Variants in NELL2 observed in about 807,000 individuals in gnomAD.
NELL2 encodes neural EGFL like 2.
A neutral mutation model predicts 109.6 loss-of-function variants in NELL2; 41 were observed. The ratio of observed to expected loss-of-function variants is 0.37; its 90% CI spans 0.29 to 0.49. The LOEUF is 0.49. NELL2 is among the 20% of genes least tolerant of loss of function. The pLI is 0.98. For synonymous variants in NELL2, 355 were observed against 344.7 expected, an observed-to-expected ratio of 1.03 and a Z score of -0.33; for missense variants, 900 against 1,008.3, an observed-to-expected ratio of 0.89 and a Z score of 1.45.
intron 15 of NELL2, among the ~76,000 whole-genome samples, chr12:44,539,837 A>G (rs1214461388): frequency 1.3e-5 from 2 of 152,232 alleles, no homozygotes; most frequent in Non-Finnish European, 2.9e-5. Flanking sequence ...TTAGAGATTC[A>G]TAAACACATG....
intron 15 of NELL2, among the ~76,000 whole-genome samples, chr12:44,550,110 T>G (rs1289784169): frequency 1.3e-5 from 2 of 152,094 alleles, no homozygotes; most frequent in Non-Finnish European, 2.9e-5. Context: ...CAACTAATTT[T>G]CAACAAGAGT....
At chr12:44,688,845 G>C (rs1948814368) in intron 12 of NELL2, among the ~76,000 whole-genome samples, 1 of 152,182 alleles carries the variant, frequency 6.6e-6, no homozygotes, top group Non-Finnish European at 1.5e-5. Flanking sequence ...TAAGTTATTT[G>C]CTCTTATTTA....
intron 2 of NELL2, among the ~76,000 whole-genome samples, chr12:44,870,490 A>T (rs1163578429): frequency 6.6e-6 from 1 of 152,202 alleles, no homozygotes. Flanking sequence ...ACTTAAATCA[A>T]CACAAATCTA....
chr12:44,570,226 C>A (rs777543842), intron 15 of NELL2, among the ~76,000 whole-genome samples: 12 of 152,154 alleles, frequency 7.9e-5, no homozygotes, highest in Non-Finnish European at 1.6e-4. Flanking sequence ...CCCACAGGTC[C>A]CACTAAATGT....
chr12:44,662,477 C>G (rs551576268), intron 13 of NELL2, among the ~76,000 whole-genome samples: 38 of 152,132 alleles, frequency 2.5e-4, no homozygotes, highest in Non-Finnish European at 4.6e-4. Flanking sequence ...ATGGATAAAG[C>G]AATCTCTCTG....
chr12:44,875,929 G>T lies in NELL2; in HGVS notation c.-60C>A, dbSNP rs950184570. ...TAAAAATAAAAATAAAAATCGAAGA[G>T]GTTCTTGGAATCAAGCGGGAAAATA... is the stretch of plus-strand genomic sequence containing the variant. On this transcript the variant is annotated 5_prime_UTR_variant, in exon 1 of 20. Transcript: ENST00000429094. The T allele has an allele frequency of 2.5e-6, 4 of 1,610,072 alleles. No homozygotes were observed. The highest frequency in any genetic ancestry group is 3.4e-6 in the Non-Finnish European group (4 of 1,179,842).
chr12:44,710,645 T>C (rs1432718267), intron 11 of NELL2, among the ~76,000 whole-genome samples: 1 of 152,160 alleles, frequency 6.6e-6, no homozygotes, highest in Non-Finnish European at 1.5e-5. Flanking sequence ...CACTGCCTTC[T>C]GGGGTGGCCT....
intron 1 of NELL2, among the ~76,000 whole-genome samples, chr12:44,890,905 A>G (rs1207107086): frequency 1.3e-5 from 2 of 151,848 alleles, no homozygotes; most frequent in Admixed American, 6.6e-5. Context: ...TAATTTCTGT[A>G]TTTCTGTAGA....
upstream of NELL2, among the ~76,000 whole-genome samples, chr12:44,916,479 G>C (rs946325198): frequency 6.6e-5 from 10 of 152,122 alleles, no homozygotes; most frequent in African/African-American, 2.4e-4. Context: ...AAGGAAGCAA[G>C]AGAATTCCAG....
chr12:44,887,535 T>C (rs933812165), intron 1 of NELL2, among the ~76,000 whole-genome samples: 2 of 152,042 alleles, frequency 1.3e-5, no homozygotes, highest in African/African-American at 4.8e-5. Context: ...TGAGCATTTT[T>C]TTCATATACC....
chr12:44,546,896 G>A (rs1942816462), intron 15 of NELL2, among the ~76,000 whole-genome samples: 1 of 152,132 alleles, frequency 6.6e-6, no homozygotes, highest in Non-Finnish European at 1.5e-5. Context: ...GTAATAAAGG[G>A]AATAGGAAAA....
chr12:44,573,627 A>T (rs969680457), intron 15 of NELL2, among the ~76,000 whole-genome samples: 1 of 152,238 alleles, frequency 6.6e-6, no homozygotes, highest in South Asian at 2.1e-4. Flanking sequence ...TTCTTAAAAT[A>T]AAGTTTCCAA....
intron 13 of NELL2, among the ~76,000 whole-genome samples, chr12:44,639,787 C>T (rs376143249): frequency 9.2e-5 from 14 of 151,998 alleles, no homozygotes; most frequent in East Asian, 5.8e-4. Context: ...TATCATGTCT[C>T]TCCTTTACTT....
intron 1 of NELL2, among the ~76,000 whole-genome samples, chr12:44,883,255 G>A (rs1945435995): frequency 6.6e-6 from 1 of 151,828 alleles, no homozygotes; most frequent in Admixed American, 6.6e-5. Context: ...AAGACTCTAG[G>A]GAAGAATCTA....
At chr12:44,570,045 A>G (rs969609378) in intron 15 of NELL2, among the ~76,000 whole-genome samples, 4 of 152,200 alleles carry the variant, frequency 2.6e-5, no homozygotes, top group African/African-American at 9.6e-5. Context: ...TTATCTGAGC[A>G]GAAGCATGAT....
At chr12:44,829,981 T>C (rs1943836323) in intron 2 of NELL2, among the ~76,000 whole-genome samples, 1 of 152,184 alleles carries the variant, frequency 6.6e-6, no homozygotes, top group Non-Finnish European at 1.5e-5. Flanking sequence ...GAAAAAAATG[T>C]TCTTTCAAAA....
intron 3 of NELL2, among the ~76,000 whole-genome samples, chr12:44,814,795 A>C (rs1943287316): frequency 6.6e-6 from 1 of 152,218 alleles, no homozygotes; most frequent in Admixed American, 6.5e-5. Flanking sequence ...TTTGTTCTCC[A>C]CATAGATTTT....
At chr12:44,684,899 T>C (rs1948661378) in intron 12 of NELL2, among the ~76,000 whole-genome samples, 1 of 152,164 alleles carries the variant, frequency 6.6e-6, no homozygotes. Flanking sequence ...ATTCTGTTGA[T>C]TTGGGGTGGA....
intron 12 of NELL2, among the ~76,000 whole-genome samples, chr12:44,692,420 C>T (rs941456342): frequency 9.2e-5 from 14 of 152,096 alleles, no homozygotes; most frequent in Non-Finnish European, 2.1e-4. Flanking sequence ...GATGGCAACG[C>T]ACTAGGAGAT....
Sources: allele counts gnomAD v4.1 joint callset (sites outside exome capture counted in the v4.1 genomes callset), GRCh38; gene constraint gnomAD v4.1.1; transcripts MANE v1.5; gene names NCBI Gene and HGNC (gene_info 2026-07-23, HGNC 2026-07-21).